Variants in RAB38 observed in about 807,000 individuals in gnomAD.
The protein encoded by RAB38 is RAB38, member RAS oncogene family.
RAB38 carries 15 observed loss-of-function variants against 18.4 expected under a neutral mutation model. The ratio of observed to expected loss-of-function variants is 0.82; its 90% confidence interval spans 0.55 to 1.26. RAB38 has a LOEUF of 1.26. Ranked by LOEUF, RAB38 falls within the 50% of genes most tolerant of loss-of-function variation. RAB38 has a pLI of 0.00. For missense variants in RAB38, 294 were observed against 267.4 expected, an observed-to-expected ratio of 1.10 and a Z score of -0.69; for synonymous variants, 101 against 104.4, an observed-to-expected ratio of 0.97 and a Z score of 0.20.
chr11:87,903,577 TG>T, the RAB38 span, among the ~76,000 whole-genome samples: 10 of 151,714 alleles, frequency 6.6e-5, no homozygotes, highest in African/African-American at 1.9e-4. Flanking sequence ...CCTCATAAAA[TG>T]AGATAGAAAA....
intron 2 of RAB38, among the ~76,000 whole-genome samples, chr11:88,118,539 AG>A (rs1942588268): frequency 6.6e-6 from 1 of 152,224 alleles, no homozygotes; most frequent in Non-Finnish European, 1.5e-5. Flanking sequence ...TGCCAGAATA[AG>A]TGAAAAACAC....
At chr11:87,941,548 A>G in the RAB38 span, among the ~76,000 whole-genome samples, 1 of 152,146 alleles carries the variant, frequency 6.6e-6, no homozygotes, top group African/African-American at 2.4e-5. Context: ...CCAGAATGAC[A>G]GAATCTATGT....
chr11:88,148,996 G>C (rs142671306), intron 2 of RAB38, among the ~76,000 whole-genome samples: 55 of 152,078 alleles, frequency 3.6e-4, no homozygotes, highest in African/African-American at 1.2e-3. Flanking sequence ...CAAAAGCCAG[G>C]AACCTGACAT....
the RAB38 span, among the ~76,000 whole-genome samples, chr11:88,065,504 T>C: frequency 2.6e-5 from 4 of 152,296 alleles, no homozygotes; most frequent in South Asian, 4.1e-4. Flanking sequence ...CCCCTAGATA[T>C]AGGCAGTAAA....
the RAB38 span, among the ~76,000 whole-genome samples, chr11:88,073,704 G>A: frequency 0.051 from 7,642 of 151,020 alleles, 266 homozygotes; most frequent in East Asian, 0.16. Context: ...ACCCTAACAA[G>A]ACAGTGATAT....
chr11:88,125,356 C>G (rs1942682390), intron 2 of RAB38, among the ~76,000 whole-genome samples: 1 of 152,114 alleles, frequency 6.6e-6, no homozygotes, highest in Admixed American at 6.5e-5. Context: ...TAGTCTTATT[C>G]CCATCTCTAT....
chr11:87,836,325 G>C, the RAB38 span, among the ~76,000 whole-genome samples: 1 of 151,994 alleles, frequency 6.6e-6, no homozygotes, highest in Non-Finnish European at 1.5e-5. Flanking sequence ...TCCTTTCTCT[G>C]GCATTCCTTT....
the RAB38 span, among the ~76,000 whole-genome samples, chr11:87,825,898 T>C: frequency 1.3e-5 from 2 of 152,138 alleles, no homozygotes; most frequent in Non-Finnish European, 2.9e-5. Flanking sequence ...GTGTACAAAA[T>C]AGTCATACTA....
the RAB38 span, chr11:88,098,270 A>C: frequency 6.6e-6 from 1 of 151,986 alleles, no homozygotes; most frequent in Admixed American, 6.6e-5. Flanking sequence ...GACAAATGCT[A>C]AGGTCAGAAC....
chr11:88,127,413 C>T (rs1942712195), intron 2 of RAB38, among the ~76,000 whole-genome samples: 1 of 152,172 alleles, frequency 6.6e-6, no homozygotes, highest in Non-Finnish European at 1.5e-5. Flanking sequence ...GACTACAGAA[C>T]TCTTATCTAA....
At chr11:87,871,775 A>G in the RAB38 span, among the ~76,000 whole-genome samples, 1 of 151,566 alleles carries the variant, frequency 6.6e-6, no homozygotes, top group African/African-American at 2.4e-5. Context: ...GTAGAAGCAT[A>G]TAATATATGC....
chr11:87,977,958 TA>T, the RAB38 span, among the ~76,000 whole-genome samples: 1 of 113,038 alleles, frequency 8.8e-6, no homozygotes, highest in Non-Finnish European at 1.7e-5. Flanking sequence ...ATATAATATA[TA>T]AATAAGATAT....
At chr11:87,893,389 TA>T in the RAB38 span, among the ~76,000 whole-genome samples, 36 of 49,238 alleles carry the variant, frequency 7.3e-4, no homozygotes, top group Middle Eastern at 7.2e-3. Flanking sequence ...TATATATATA[TA>T]TTTTTTTTTT....
the RAB38 span, among the ~76,000 whole-genome samples, chr11:87,946,621 A>G: frequency 6.6e-6 from 1 of 151,698 alleles, no homozygotes; most frequent in Non-Finnish European, 1.5e-5. Context: ...ATTCCCAGGT[A>G]TAAGTGAGAA....
At chr11:87,873,471 C>A in the RAB38 span, among the ~76,000 whole-genome samples, 10 of 151,588 alleles carry the variant, frequency 6.6e-5, no homozygotes, top group Admixed American at 1.3e-4. Flanking sequence ...TTCAACTTAT[C>A]AATTATTTCA....
At chr11:87,838,260 G>A in the RAB38 span, among the ~76,000 whole-genome samples, 3 of 151,950 alleles carry the variant, frequency 2.0e-5, no homozygotes, top group Admixed American at 6.6e-5. Flanking sequence ...GACTACAGGC[G>A]CCTGCCACCA....
the RAB38 span, among the ~76,000 whole-genome samples, chr11:87,825,741 A>G: frequency 6.6e-6 from 1 of 152,128 alleles, no homozygotes; most frequent in Non-Finnish European, 1.5e-5. Flanking sequence ...GGAGTTTGGA[A>G]GGATGTAGAG....
the RAB38 span, among the ~76,000 whole-genome samples, chr11:88,070,243 G>A: frequency 6.6e-6 from 1 of 152,032 alleles, no homozygotes; most frequent in Non-Finnish European, 1.5e-5. Flanking sequence ...CGGGAGGAGT[G>A]AACAACTCCA....
At chr11:88,119,669 CAA>C (rs34044049) in intron 2 of RAB38, among the ~76,000 whole-genome samples, 43 of 106,430 alleles carry the variant, frequency 4.0e-4, no homozygotes, top group Admixed American at 4.9e-4. Context: ...ACCAGAGAGC[CAA>C]AAAAAAAAAA....
Sources: gnomAD v4.1 joint callset for allele counts (sites outside exome capture counted in the v4.1 genomes callset) on GRCh38, gnomAD v4.1.1 for gene constraint, MANE v1.5 for transcripts, NCBI Gene and HGNC (gene_info 2026-07-23, HGNC 2026-07-21) for gene names.